Variants in GOSR2 observed in about 807,000 individuals in gnomAD.
The protein encoded by GOSR2 is 27 kDa Golgi SNARE protein.
Under a neutral mutation model 27.9 loss-of-function variants are expected in GOSR2, and 20 were observed. The ratio of observed to expected loss-of-function variants is 0.72; its 90% CI spans 0.50 to 1.04. The LOEUF (loss-of-function observed/expected upper bound fraction) is 1.04. Among genes scored for constraint, GOSR2 ranks in the 50% least tolerant of loss-of-function variants. GOSR2 has a pLI of 0.00. For missense variants in GOSR2, 261 were observed against 270.5 expected, an observed-to-expected ratio of 0.97 and a Z score of 0.25; for synonymous variants, 91 against 98.8, an observed-to-expected ratio of 0.92 and a Z score of 0.47.
chr17:46,947,429 A>G (rs977332779), intron 6 of GOSR2, among the ~76,000 whole-genome samples: 11 of 152,248 alleles, frequency 7.2e-5, no homozygotes, highest in South Asian at 4.1e-4. Flanking sequence ...ACTGCCACAC[A>G]CCTTCAGAGC....
chr17:46,927,950 TC>T (rs2086733873), intron 1 of GOSR2, among the ~76,000 whole-genome samples: 2 of 152,278 alleles, frequency 1.3e-5, no homozygotes, highest in South Asian at 4.2e-4. Context: ...CGTCAGGACT[TC>T]CTTAGAGTCC....
chr17:46,939,352 T>C lies in GOSR2; in HGVS notation c.*592T>C. The stretch of plus-strand genomic sequence containing the variant: ...GCTACCTAGGGGAAACAAGATGTAG[T>C]GCTATTGCCGATAACAAGTAAGATT... On this transcript the variant is annotated 3_prime_UTR_variant, in exon 6 of 6. Coordinates refer to ENST00000640051, the MANE Select transcript of GOSR2 (RefSeq NM_004287.5). 9.9e-7 allele frequency: 1 copy of C among 1,006,160 alleles called. No homozygotes were observed. Among genetic ancestry groups the C allele is most frequent in the Non-Finnish European group, 1.2e-6 (1 of 840,262 alleles). The allele number at this position is 1,006,160 out of a possible 1,614,324, so 62.3% of individuals were successfully genotyped here.
At chr17:46,974,985 T>G (rs1356188501) in intron 6 of GOSR2, among the ~76,000 whole-genome samples, 1 of 84,798 alleles carries the variant, frequency 1.2e-5, no homozygotes, top group African/African-American at 3.6e-5. Flanking sequence ...AATTACTATT[T>G]TCTTTTTTTT....
intron 1 of GOSR2, among the ~76,000 whole-genome samples, chr17:46,926,437 A>G (rs1024783548): frequency 2.0e-5 from 3 of 152,070 alleles, no homozygotes; most frequent in African/African-American, 7.3e-5. Context: ...TTCTTCCTAG[A>G]TCTTCTGTAA....
intron 6 of GOSR2, among the ~76,000 whole-genome samples, chr17:46,947,542 G>A (rs1038576331): frequency 7.9e-5 from 12 of 152,332 alleles, no homozygotes; most frequent in African/African-American, 2.6e-4. Context: ...GGAAGACCTG[G>A]ACATGATCTT....
downstream of GOSR2, among the ~76,000 whole-genome samples, chr17:46,971,179 A>G (rs2091388721): frequency 1.3e-5 from 2 of 152,014 alleles, no homozygotes; most frequent in Non-Finnish European, 2.9e-5. Context: ...CTCTACTAAC[A>G]TATAAAAATG....
At chr17:46,963,740 C>T (rs1464411164) in intron 6 of GOSR2, 2 of 152,164 alleles carry the variant, frequency 1.3e-5, no homozygotes, top group African/African-American at 4.8e-5. Flanking sequence ...CCTTGTTCCC[C>T]ACCCACAGTC....
At chr17:46,968,725 A>G (rs2091361464), downstream of GOSR2, 1 of 152,512 alleles carries the variant, frequency 6.6e-6, no homozygotes, top group Non-Finnish European at 1.5e-5. Flanking sequence ...TACAATGGCC[A>G]TGCAGATCTT....
chr17:46,958,399 G>A (rs1261659891), intron 6 of GOSR2, among the ~76,000 whole-genome samples: 2 of 152,232 alleles, frequency 1.3e-5, no homozygotes, highest in Non-Finnish European at 2.9e-5. Flanking sequence ...GAAGACTGGG[G>A]GTGGGAAACG....
intron 6 of GOSR2, among the ~76,000 whole-genome samples, chr17:46,947,930 G>A (rs1235254161): frequency 6.6e-6 from 1 of 152,134 alleles, no homozygotes; most frequent in African/African-American, 2.4e-5. Context: ...CACCACGCCT[G>A]GCTAATTTTT....
intron 1 of GOSR2, among the ~76,000 whole-genome samples, chr17:46,927,234 CT>C (rs1264269740): frequency 2.0e-5 from 3 of 151,990 alleles, no homozygotes; most frequent in African/African-American, 7.3e-5. Flanking sequence ...CCTTGTTTGA[CT>C]TTTTGTATTG....
intron 6 of GOSR2, among the ~76,000 whole-genome samples, chr17:46,960,674 A>G (rs1360842101): frequency 1.3e-5 from 2 of 152,252 alleles, no homozygotes; most frequent in Non-Finnish European, 2.9e-5. Context: ...GAATATTACT[A>G]CTAAGCAAGA....
intron 2 of GOSR2, chr17:46,930,319 A>C (rs1011173066): frequency 1.3e-5 from 2 of 152,338 alleles, no homozygotes; most frequent in Admixed American, 6.5e-5. Flanking sequence ...ATGGGGCAAG[A>C]AGCAGTCTGG....
At chr17:46,931,979 G>A (rs2087460614) in intron 3 of GOSR2, 88 bp from the exon 4 acceptor site, 15 of 1,157,252 alleles carry the variant, frequency 1.3e-5, no homozygotes, top group South Asian at 8.6e-5. Flanking sequence ...GTAAGGAAAC[G>A]CCGTCTTTCC....
intron 6 of GOSR2, among the ~76,000 whole-genome samples, chr17:46,947,402 G>T (rs1192980555): frequency 6.6e-6 from 1 of 152,188 alleles, no homozygotes; most frequent in African/African-American, 2.4e-5. Flanking sequence ...CCAGGCGGAG[G>T]CAGGGCAGAG....
In GOSR2 at chr17:46,929,529, C is replaced by T. The variant is rs747877774; in HGVS notation, c.39C>T (p.His13=). The change falls in exon 2 of 6, where the codon CAC becomes CAT. Residue 13 remains histidine, a synonymous_variant. Transcript: ENST00000640051. ...PLFQQTHKQV[H]EIQSCMGRLE... ...CCTCTTCCTTTGATAGGCAGGTCCA[C>T]GAGATCCAGTCTTGCATGGGACGCC... The T allele has an allele frequency of 1.4e-5, 21 of 1,548,068 alleles. No individual in the cohort carries two copies. Among genetic ancestry groups the T allele is most frequent in the Admixed American group, 1.3e-4 (8 of 59,926 alleles).
intron 6 of GOSR2, among the ~76,000 whole-genome samples, chr17:46,953,259 C>G (rs1382669067): frequency 2.6e-5 from 4 of 151,888 alleles, no homozygotes; most frequent in Non-Finnish European, 5.9e-5. Context: ...CATGTGTTCT[C>G]ATTGTTCAAT....
At chr17:46,957,427 A>G (rs1259284423) in intron 6 of GOSR2, among the ~76,000 whole-genome samples, 1 of 152,204 alleles carries the variant, frequency 6.6e-6, no homozygotes, top group Non-Finnish European at 1.5e-5. Context: ...AGCCTGGCCA[A>G]CATGGTGAAA....
chr17:46,965,114 A>G (rs1599250435), intron 6 of GOSR2: 1 of 152,220 alleles, frequency 6.6e-6, no homozygotes, highest in Non-Finnish European at 1.5e-5. Context: ...GAAGTGGAGT[A>G]TCTCATTATC....
Sources: allele counts gnomAD v4.1 joint callset (sites outside exome capture counted in the v4.1 genomes callset), GRCh38; gene constraint gnomAD v4.1.1; transcripts MANE v1.5; gene names NCBI Gene and HGNC (gene_info 2026-07-23, HGNC 2026-07-21).